Variants in SLC44A5 observed in about 807,000 individuals in gnomAD.
SLC44A5 encodes solute carrier family 44 member 5, also known as choline transporter-like protein 5.
A neutral mutation model predicts 101.8 loss-of-function variants in SLC44A5; 57 were observed. The observed-to-expected ratio is 0.56, with a 90% CI of 0.45 to 0.70. SLC44A5 has a LOEUF of 0.70. Ranked by LOEUF, SLC44A5 falls within the 30% of genes least tolerant of loss-of-function variation. The pLI is 0.00. For synonymous variants in SLC44A5, 281 were observed against 290.9 expected (o/e 0.97, Z 0.35); for missense variants, 737 against 853.1 (o/e 0.86, Z 1.70).
At chr1:75,641,622 G>A in the SLC44A5 span, 6 of 1,493,934 alleles carry the variant, frequency 4.0e-6, no homozygotes, top group Admixed American at 1.7e-5. Context: ...TTTGGGTCAC[G>A]GTTCAAAATT....
the SLC44A5 span, among the ~76,000 whole-genome samples, chr1:75,624,934 A>T: frequency 1.3e-5 from 2 of 152,020 alleles, no homozygotes; most frequent in African/African-American, 4.8e-5. Flanking sequence ...CTCTTCCATA[A>T]CGTGCACCAG....
chr1:75,508,948 C>G (rs1669416438), intron 2 of SLC44A5, among the ~76,000 whole-genome samples: 2 of 152,124 alleles, frequency 1.3e-5, no homozygotes, highest in South Asian at 4.1e-4. Flanking sequence ...CTGAAGAAGG[C>G]TATGTAAATT....
intron 2 of SLC44A5, among the ~76,000 whole-genome samples, chr1:75,441,727 T>A (rs1356699248): frequency 6.6e-6 from 1 of 151,940 alleles, no homozygotes; most frequent in Non-Finnish European, 1.5e-5. Context: ...ATTTTAACAT[T>A]TTTTAAATGT....
At chr1:75,287,367 T>C (rs1185736082) in intron 5 of SLC44A5, among the ~76,000 whole-genome samples, 1 of 151,572 alleles carries the variant, frequency 6.6e-6, no homozygotes, top group Non-Finnish European at 1.5e-5. Flanking sequence ...TTTCTGTAAG[T>C]TGGTATTCAC....
chr1:75,391,497 C>T (rs1048418834), intron 3 of SLC44A5, among the ~76,000 whole-genome samples: 1 of 152,158 alleles, frequency 6.6e-6, no homozygotes, highest in Non-Finnish European at 1.5e-5. Flanking sequence ...GTAATCAAAA[C>T]AGCATGGTAC....
chr1:75,475,809 C>T (rs1027860987), intron 2 of SLC44A5, among the ~76,000 whole-genome samples: 1 of 152,230 alleles, frequency 6.6e-6, no homozygotes, highest in Non-Finnish European at 1.5e-5. Flanking sequence ...AGCTTTACCA[C>T]TTACTAATTA....
chr1:75,486,371 A>G (rs1668149935), intron 2 of SLC44A5, among the ~76,000 whole-genome samples: 2 of 152,088 alleles, frequency 1.3e-5, no homozygotes, highest in South Asian at 4.1e-4. Context: ...TTGAATAATT[A>G]ATTTTTGTTT....
intron 3 of SLC44A5, among the ~76,000 whole-genome samples, chr1:75,385,356 T>C (rs1290836866): frequency 1.3e-5 from 2 of 150,132 alleles, no homozygotes; most frequent in African/African-American, 2.5e-5. Context: ...ATAGACACAA[T>C]AAAAAATGAT....
intron 2 of SLC44A5, among the ~76,000 whole-genome samples, chr1:75,451,870 C>T (rs1004171338): frequency 6.6e-6 from 1 of 151,964 alleles, no homozygotes; most frequent in African/African-American, 2.4e-5. Context: ...AGCAACCAAA[C>T]CTATGAATTA....
intron 2 of SLC44A5, among the ~76,000 whole-genome samples, chr1:75,407,751 A>G (rs1179602308): frequency 6.6e-6 from 1 of 152,252 alleles, no homozygotes; most frequent in Non-Finnish European, 1.5e-5. Flanking sequence ...CTAAGACCAT[A>G]AAAATCCTAG....
chr1:75,359,408 ATTTTT>A (rs571999334), intron 3 of SLC44A5, among the ~76,000 whole-genome samples: 1 of 129,448 alleles, frequency 7.7e-6, no homozygotes, highest in Non-Finnish European at 1.7e-5. Context: ...TAATTTTTGT[ATTTTT>A]TTTTTTTTTA....
At chr1:75,433,999 G>A (rs1355354798) in intron 2 of SLC44A5, among the ~76,000 whole-genome samples, 2 of 151,718 alleles carry the variant, frequency 1.3e-5, no homozygotes, top group East Asian at 3.9e-4. Context: ...GAAAAACCAC[G>A]CCCATGATTA....
At chr1:75,458,305 G>C (rs905344400) in intron 2 of SLC44A5, among the ~76,000 whole-genome samples, 4 of 152,166 alleles carry the variant, frequency 2.6e-5, no homozygotes, top group Non-Finnish European at 5.9e-5. Context: ...ATGAAGAAAT[G>C]GTTTGGTCAT....
chr1:75,653,922 C>G, the SLC44A5 span, among the ~76,000 whole-genome samples: 1 of 152,152 alleles, frequency 6.6e-6, no homozygotes, highest in Admixed American at 6.5e-5. Flanking sequence ...TTTTACCTGA[C>G]AGCTTCAGCT....
Position 75,380,991 on chromosome 1 carries a change from T to A in SLC44A5, c.52+15592A>T, listed in dbSNP as rs1341836252. Among the ~76,000 whole-genome samples the A allele has an allele frequency of 4.8e-5, 4 of 82,694 alleles. 2 individuals carry two copies. Among genetic ancestry groups the A allele is most frequent in the Non-Finnish European group, 8.3e-5 (4 of 47,980 alleles). 54.3% of individuals were successfully genotyped at this position (82,694 alleles called of 152,430 possible). On this transcript the variant is annotated intron_variant, in intron 3 of 23. Transcript: ENST00000370859. ...AAAATTGGTTGGTGGAAGTACCTAC[T>A]GTCAGTCCCATCAGTAGATTCACTT...
chr1:75,428,676 T>TAGGAAAAAATACACATAC (rs1664447680), intron 2 of SLC44A5, among the ~76,000 whole-genome samples: 1 of 152,174 alleles, frequency 6.6e-6, no homozygotes. Flanking sequence ...AAGATTTGTT[T>TAGGAAAAAATACACATAC]AGGAAAAAAT....
chr1:75,489,912 T>G (rs1205371747), intron 2 of SLC44A5, among the ~76,000 whole-genome samples: 1 of 152,114 alleles, frequency 6.6e-6, no homozygotes, highest in African/African-American at 2.4e-5. Flanking sequence ...CTAACCCATA[T>G]AAAGAGTTAA....
At chr1:75,425,629 A>G (rs555651251) in intron 2 of SLC44A5, among the ~76,000 whole-genome samples, 6 of 152,334 alleles carry the variant, frequency 3.9e-5, no homozygotes, top group Non-Finnish European at 8.8e-5. Context: ...TAGTCAATCT[A>G]CTAGAGAGTA....
chr1:75,352,018 G>A (rs1414545736), intron 3 of SLC44A5, among the ~76,000 whole-genome samples: 2 of 151,758 alleles, frequency 1.3e-5, no homozygotes, highest in Non-Finnish European at 2.9e-5. Flanking sequence ...GAACCTTGAA[G>A]CAAAACTGGA....
Sources: gnomAD v4.1 joint callset for allele counts (sites outside exome capture counted in the v4.1 genomes callset) on GRCh38, gnomAD v4.1.1 for gene constraint, MANE v1.5 for transcripts, NCBI Gene and HGNC (gene_info 2026-07-23, HGNC 2026-07-21) for gene names.